SLC17A8: variants seen among roughly 807,000 people sequenced by gnomAD.
SLC17A8 encodes vesicular glutamate transporter 3.
SLC17A8 carries 31 observed loss-of-function variants against 58.0 expected under a neutral mutation model. The ratio of observed to expected loss-of-function variants is 0.53; its 90% CI spans 0.40 to 0.72. SLC17A8 has a LOEUF of 0.72. Among genes scored for constraint, SLC17A8 ranks in the 30% least tolerant of loss-of-function variants. SLC17A8 has a pLI of 0.00. For synonymous variants in SLC17A8, 228 were observed against 249.0 expected (o/e 0.92, Z 0.79); for missense variants, 655 against 727.8 (o/e 0.90, Z 1.15).
rs1011821883 is a variant in SLC17A8, at chr12:100,380,965, T to A, written c.354+12T>A. The A allele has an allele frequency of 6.2e-7, 1 of 1,613,790 alleles. No individual in the cohort carries two copies. The highest frequency in any genetic ancestry group is 1.3e-5 in the African/African-American group (1 of 75,006). On this transcript the variant is annotated intron_variant, in intron 2 of 11. Transcript: ENST00000323346. ...AACCGGAAATTCAGGTTGGTATCAG[T>A]CCATGGTGGAAGACTTTTCTTTTTG...
rs193054812 is a variant in SLC17A8 at position 100,407,957 on chromosome 12, A to C, written c.1186+3787A>C. On this transcript the variant is annotated intron_variant, in intron 9 of 11. Transcript: ENST00000323346. The stretch of plus-strand genomic sequence containing the variant: ...ACCAGTGAGTTATATATAGAAAATA[A>C]AATTTTTAAAAAGACCATAATGGTC... Among the ~76,000 whole-genome samples the C allele has an allele frequency of 2.6e-5, 4 of 152,318 alleles. No individual in the cohort carries two copies. The East Asian group carries it at 7.7e-4, about 29-fold the overall frequency.
chr12:100,413,168 C>T lies in SLC17A8; in HGVS notation c.1297+288C>T, dbSNP rs905383057. On this transcript the variant is annotated intron_variant, in intron 10 of 11. Coordinates refer to ENST00000323346, the MANE Select transcript of SLC17A8 (RefSeq NM_139319.3). The stretch of plus-strand genomic sequence containing the variant: ...ACGAGCAGAGGCCCAAGCATATGTC[C>T]TGGGTGAAGTGGACTTTCATACTTT... Among the ~76,000 whole-genome samples the T allele has an allele frequency of 2.6e-5, 4 of 152,170 alleles. No individual in the cohort carries two copies. The East Asian group carries it at 7.7e-4, about 29-fold the overall frequency.
rs1245069717 is a variant in SLC17A8 at position 100,419,990 on chromosome 12, T to C, written c.1601T>C (p.Leu534Pro). 2 of 1,614,022 alleles carry C rather than the reference T, an allele frequency of 1.2e-6. No homozygotes were observed. The highest frequency in any genetic ancestry group is 2.2e-5 in the East Asian group (1 of 44,882). The change falls in exon 12 of 12, where the codon CTC becomes CCC. Residue 534 changes from leucine (L) to proline (P), a missense_variant. Leu to Pro is a moderately conservative substitution (Grantham distance 98). Coordinates refer to ENST00000323346, the MANE Select transcript of SLC17A8 (RefSeq NM_139319.3). ...DQDELAEEIE[L>P]NHESFASPKK... ...GACGAATTAGCTGAGGAGATAGAAC[T>C]CAACCATGAGAGTTTTGCGAGTCCC... is the stretch of plus-strand genomic sequence containing the variant.
intron 8 of SLC17A8, among the ~76,000 whole-genome samples, chr12:100,403,429 A>C (rs1952805578): frequency 6.6e-6 from 1 of 151,868 alleles, no homozygotes; most frequent in Admixed American, 6.6e-5. Context: ...AGATTGCACC[A>C]CTGCACTCCA....
At chr12:100,369,348 T>G (rs764559659) in intron 1 of SLC17A8, among the ~76,000 whole-genome samples, 1 of 152,224 alleles carries the variant, frequency 6.6e-6, no homozygotes, top group Non-Finnish European at 1.5e-5. Context: ...CAGGTCTGGA[T>G]GCTGTATTCT....
chr12:100,420,205 G>A lies in SLC17A8; in HGVS notation c.*46G>A, dbSNP rs759553682. On this transcript the variant is annotated 3_prime_UTR_variant, in exon 12 of 12. Coordinates refer to ENST00000323346, the MANE Select transcript of SLC17A8 (RefSeq NM_139319.3). ...CTTCTCCTTACTTTAGAAACAGAAAGTATCCATACCTATTGCCTTTCTTGT... is the reference window on the plus strand; with the variant it reads ...CTTCTCCTTACTTTAGAAACAGAAAATATCCATACCTATTGCCTTTCTTGT... 1 of 1,489,932 alleles carries A rather than the reference G, an allele frequency of 6.7e-7. No homozygotes were observed. Among genetic ancestry groups the A allele is most frequent in the East Asian group, 2.4e-5 (1 of 41,666 alleles). The allele number at this position is 1,489,932 out of a possible 1,614,324, so 92.3% of individuals were successfully genotyped here.
At chr12:100,379,185 C>T (rs1952614819) in intron 1 of SLC17A8, among the ~76,000 whole-genome samples, 1 of 151,352 alleles carries the variant, frequency 6.6e-6, no homozygotes, top group South Asian at 2.1e-4. Flanking sequence ...GCCTGTAATC[C>T]CAGCACTTTG....
chr12:100,414,070 AG>A (rs1268273328), intron 10 of SLC17A8, among the ~76,000 whole-genome samples: 1 of 152,246 alleles, frequency 6.6e-6, no homozygotes, highest in Non-Finnish European at 1.5e-5. Context: ...TTGTGAAGCA[AG>A]TAGTAGTATA....
intron 1 of SLC17A8, among the ~76,000 whole-genome samples, chr12:100,358,937 T>G (rs1952466106): frequency 6.6e-6 from 1 of 152,036 alleles, no homozygotes; most frequent in African/African-American, 2.4e-5. Flanking sequence ...AGGCCAGAAG[T>G]TCGAGACTAG....
intron 5 of SLC17A8, among the ~76,000 whole-genome samples, chr12:100,399,800 T>G (rs1011204311): frequency 1.1e-4 from 16 of 152,130 alleles, no homozygotes; most frequent in African/African-American, 2.9e-4. Context: ...ATTGTAAAGT[T>G]TCCCCAATGA....
chr12:100,379,435 C>T, intron 1 of SLC17A8, among the ~76,000 whole-genome samples: 1 of 136,556 alleles, frequency 7.3e-6, no homozygotes, highest in Non-Finnish European at 1.6e-5. Flanking sequence ...ATTCCGTCCC[C>T]AAAAAAAAAA....
intron 1 of SLC17A8, among the ~76,000 whole-genome samples, chr12:100,373,632 T>A (rs1027913351): frequency 7.1e-6 from 1 of 141,558 alleles, no homozygotes; most frequent in Non-Finnish European, 1.5e-5. Flanking sequence ...TCACCCAGGC[T>A]GGAGTGCAAT....
intron 1 of SLC17A8, among the ~76,000 whole-genome samples, chr12:100,375,475 C>T (rs1952588661): frequency 6.6e-6 from 1 of 152,176 alleles, no homozygotes; most frequent in Non-Finnish European, 1.5e-5. Context: ...TCAGAGGAGT[C>T]CTGCCTCTGG....
chr12:100,380,794 C>A lies in SLC17A8; in HGVS notation c.195C>A (p.Cys65Ter), dbSNP rs755036658. Residue 65 changes from cysteine to a stop codon, truncating the protein, a stop_gained, in exon 2 of 12, where the codon TGC (cysteine) becomes TGA (stop). Transcript: ENST00000323346. LOFTEE classifies it high-confidence loss of function. ...VQTSRPSPPL[C>*]DCHCCGLPKR... is the part of the protein sequence containing the mutation. The stretch of plus-strand genomic sequence containing the variant: ...CGTCCAGGCCAAGCCCCCCACTCTG[C>A]GACTGCCACTGCTGCGGCCTCCCCA... 1 of 1,614,012 alleles carries A rather than the reference C, an allele frequency of 6.2e-7. No homozygotes were observed. Among genetic ancestry groups the A allele is most frequent in the East Asian group, 2.2e-5 (1 of 44,884 alleles).
At position 100,421,658 on chromosome 12, in the gene SLC17A8, G is replaced by GTTTTTTTTTTTTTTTTTT. The variant is rs59689031; in HGVS notation, c.*1504_*1521dup. The GTTTTTTTTTTTTTTTTTT allele has an allele frequency of 2.7e-5, 3 of 109,872 alleles. No homozygotes were observed. Among genetic ancestry groups the GTTTTTTTTTTTTTTTTTT allele is most frequent in the East Asian group, 3.1e-4 (1 of 3,268 alleles). 6.8% of individuals were successfully genotyped at this position (109,872 alleles called of 1,614,324 possible). A position where few individuals can be genotyped will look rare whatever the true frequency, so the allele number is the denominator to read the frequency against. On this transcript the variant is annotated 3_prime_UTR_variant, in exon 12 of 12. Transcript: ENST00000323346. ...TACTTGTAGCTTATTATTGTAAAGT[G>GTTTTTTTTTTTTTTTTTT]TTTTTTTTTTTTTTTTTTTTTTCTA...
intron 5 of SLC17A8, among the ~76,000 whole-genome samples, chr12:100,396,836 A>G (rs1219719742): frequency 6.6e-6 from 1 of 152,172 alleles, no homozygotes; most frequent in Non-Finnish European, 1.5e-5. Flanking sequence ...GAGTCTATTT[A>G]TTTTATATAA....
chr12:100,387,155 C>T (rs941801545), intron 2 of SLC17A8, among the ~76,000 whole-genome samples: 7 of 152,194 alleles, frequency 4.6e-5, no homozygotes, highest in African/African-American at 7.2e-5. Context: ...TACATTCGTT[C>T]TGTTTTTAAG....
chr12:100,401,339 T>C (rs1387212746), intron 5 of SLC17A8, among the ~76,000 whole-genome samples: 1 of 151,976 alleles, frequency 6.6e-6, no homozygotes, highest in Non-Finnish European at 1.5e-5. Flanking sequence ...TTAAAAATCA[T>C]GATCTTTTAA....
At chr12:100,369,548 G>A (rs1301973152) in intron 1 of SLC17A8, among the ~76,000 whole-genome samples, 1 of 152,192 alleles carries the variant, frequency 6.6e-6, no homozygotes, top group Non-Finnish European at 1.5e-5. Flanking sequence ...CCTGCATGCT[G>A]TATCCTCTTC....
Sources: gnomAD v4.1 joint callset for allele counts (sites outside exome capture counted in the v4.1 genomes callset) on GRCh38, gnomAD v4.1.1 for gene constraint, MANE v1.5 for transcripts, NCBI Gene and HGNC (gene_info 2026-07-23, HGNC 2026-07-21) for gene names.